The following DHX57 variants were observed in gnomAD, a reference collection of about 807,000 sequenced individuals.
DHX57 encodes putative ATP-dependent RNA helicase DHX57.
DHX57 carries 105 observed loss-of-function variants against 156.2 expected under a neutral mutation model. The ratio of observed to expected loss-of-function variants is 0.67; its 90% CI spans 0.57 to 0.79. DHX57 has a LOEUF of 0.79. Ranked by LOEUF, DHX57 falls within the 30% of genes least tolerant of loss-of-function variation. The probability of loss-of-function intolerance (pLI) is 0.00; values close to 1 mark genes in which losing one functional copy is unlikely to be tolerated. For missense variants in DHX57, 1,847 were observed against 1,661.9 expected, an observed-to-expected ratio of 1.11 and a Z score of -1.94; for synonymous variants, 704 against 595.6, an observed-to-expected ratio of 1.18 and a Z score of -2.65.
At chr2:38,829,218 C>T (rs1430070558) in intron 13 of DHX57, among the ~76,000 whole-genome samples, 1 of 151,814 alleles carries the variant, frequency 6.6e-6, no homozygotes, top group African/African-American at 2.4e-5. Flanking sequence ...GCTGGGATTA[C>T]AGGCATGAGC....
chr2:38,806,527 T>C, intron 22 of DHX57, 32 bp downstream of exon 22: 1 of 1,607,520 alleles, frequency 6.2e-7, no homozygotes, highest in Non-Finnish European at 8.5e-7. Flanking sequence ...CAGGACGACC[T>C]GTAAACATTA....
At chr2:38,808,273 T>G (rs10173240) in intron 21 of DHX57, among the ~76,000 whole-genome samples, 83,594 of 151,876 alleles carry the variant, frequency 0.55, 24,629 homozygotes, top group East Asian at 0.81. Flanking sequence ...ATTTTAATCT[T>G]CTCTTCCAAA....
Position 38,854,167 on chromosome 2 carries a change from G to A in DHX57, c.1917C>T (p.Thr639=). ...CTCCCGTGGTGCAGTATAACAGTCT[G>A]GTGGCTGAGGACTTACACATGAAAG... ...IRLESVKSSA[T]RLLYCTTGVL... is the part of the protein sequence containing the mutation. Residue 639 remains threonine (T), a synonymous_variant, in exon 9 of 24, where the codon ACC becomes ACT. Coordinates refer to ENST00000457308, the MANE Select transcript of DHX57 (RefSeq NM_198963.3). The A allele has an allele frequency of 6.2e-7, 1 of 1,613,572 alleles. No homozygotes were observed. Among genetic ancestry groups the A allele is most frequent in the Non-Finnish European group, 8.5e-7 (1 of 1,179,716 alleles).
At chr2:38,855,335 G>C (rs959822168) in intron 7 of DHX57, 83 bp from the exon 8 acceptor site, 11 of 1,379,200 alleles carry the variant, frequency 8.0e-6, no homozygotes, top group South Asian at 1.2e-5. Context: ...AATGAGAAAA[G>C]TGATAAAGCT....
rs140663412 is a variant in DHX57, at chr2:38,875,023, C to G, written c.-7+764G>C. On this transcript the variant is annotated intron_variant, in intron 1 of 23. Coordinates refer to ENST00000457308, the MANE Select transcript of DHX57 (RefSeq NM_198963.3). ...TTAGGAAAAAGCAAGAGGATACTTA[C>G]GCTGAATCAAAACAAGTTGTCTCAC... Among the ~76,000 whole-genome samples, 174 of 152,278 alleles carry G rather than the reference C, an allele frequency of 1.1e-3. 1 individual carries two copies. Among genetic ancestry groups the G allele is most frequent in the African/African-American group, 3.4e-3 (142 of 41,552 alleles).
At chr2:38,874,298 C>A (rs1381030698) in intron 1 of DHX57, among the ~76,000 whole-genome samples, 1 of 151,834 alleles carries the variant, frequency 6.6e-6, no homozygotes, top group Non-Finnish European at 1.5e-5. Context: ...GCTTTGCTGC[C>A]CAAGCTGGTC....
At chr2:38,838,276 T>G (rs1185446085) in intron 12 of DHX57, among the ~76,000 whole-genome samples, 1 of 152,258 alleles carries the variant, frequency 6.6e-6, no homozygotes, top group Non-Finnish European at 1.5e-5. Context: ...TTTAATTTTA[T>G]TTTTTGTAGA....
chr2:38,872,873 G>C (rs1019205197), intron 1 of DHX57, among the ~76,000 whole-genome samples: 1 of 152,032 alleles, frequency 6.6e-6, no homozygotes, highest in Non-Finnish European at 1.5e-5. Flanking sequence ...TAACCAACTA[G>C]ACCTAATAGG....
Position 38,815,616 on chromosome 2 carries a change from A to G in DHX57, c.3511T>C (p.Ser1171Pro), listed in dbSNP as rs759646144. 1.2e-6 allele frequency: 2 copies of G among 1,614,098 alleles called. No homozygotes were observed. Among genetic ancestry groups the G allele is most frequent in the Non-Finnish European group, 1.7e-6 (2 of 1,180,024 alleles). The change falls in exon 20 of 24, where the codon TCG becomes CCG. Residue 1171 changes from serine (S) to proline (P), a missense_variant. Physicochemically the swap from Ser to Pro is moderately conservative, Grantham distance 74 (BLOSUM62 -1). Coordinates refer to ENST00000457308, the MANE Select transcript of DHX57 (RefSeq NM_198963.3). ...CCTTCCCTTGCAAACCCTATATCCGATAACAGTTCCGTGAATTGTCGTTTG... is the reference window on the plus strand; with the variant it reads ...CCTTCCCTTGCAAACCCTATATCCGGTAACAGTTCCGTGAATTGTCGTTTG... ...SLKRQFTELL[S>P]DIGFAREGLR... is the part of the protein sequence containing the mutation.
rs760726809 is a variant in DHX57, at chr2:38,815,695, A to G, written c.3472-40T>C. 5 of 1,613,288 alleles carry G rather than the reference A, an allele frequency of 3.1e-6. No homozygotes were observed. In the African/African-American group the frequency reaches 4.0e-5, roughly 13 times the overall value. On this transcript the variant is annotated intron_variant, in intron 19 of 23. Transcript: ENST00000457308. ...AAAACCTTTAAGCAAGGGCATCAGCATAACAAAGTGTTAAGTCTTACAAAA... is the reference window on the plus strand; with the variant it reads ...AAAACCTTTAAGCAAGGGCATCAGCGTAACAAAGTGTTAAGTCTTACAAAA...
intron 7 of DHX57, among the ~76,000 whole-genome samples, chr2:38,856,136 A>C (rs945346003): frequency 2.0e-5 from 3 of 152,222 alleles, no homozygotes; most frequent in African/African-American, 7.2e-5. Context: ...TCTCAAGCTA[A>C]ATGTTCTAGA....
intron 1 of DHX57, among the ~76,000 whole-genome samples, chr2:38,868,751 CAT>C (rs1420455476): frequency 1.3e-5 from 2 of 152,168 alleles, no homozygotes; most frequent in Non-Finnish European, 2.9e-5. Context: ...TCAAAATACA[CAT>C]GTCTAGGCTT....
intron 13 of DHX57, among the ~76,000 whole-genome samples, chr2:38,833,689 TAA>T (rs1671500238): frequency 6.6e-6 from 1 of 152,194 alleles, no homozygotes; most frequent in Non-Finnish European, 1.5e-5. Flanking sequence ...TTAACTATAA[TAA>T]GTGTTCAGTT....
chr2:38,823,399 C>T, intron 16 of DHX57, 130 bp from the exon 17 acceptor site: 2 of 944,306 alleles, frequency 2.1e-6, no homozygotes, highest in Non-Finnish European at 3.1e-6. Flanking sequence ...ATGTTTTCTA[C>T]TTCTACCAAT....
At chr2:38,812,713 A>G (rs1267595432) in intron 21 of DHX57, among the ~76,000 whole-genome samples, 3 of 148,586 alleles carry the variant, frequency 2.0e-5, no homozygotes, top group Non-Finnish European at 4.5e-5. Flanking sequence ...TTGTATTTTT[A>G]GTAGAGATGG....
intron 2 of DHX57, among the ~76,000 whole-genome samples, chr2:38,864,732 C>T (rs945684525): frequency 7.9e-5 from 12 of 152,196 alleles, no homozygotes; most frequent in African/African-American, 2.9e-4. Context: ...CCTGTAGCTA[C>T]TGACCCATCT....
chr2:38,872,548 T>C (rs1423881587), intron 1 of DHX57, among the ~76,000 whole-genome samples: 1 of 152,178 alleles, frequency 6.6e-6, no homozygotes, highest in East Asian at 1.9e-4. Context: ...AAGATGATCT[T>C]GCAAACAGCA....
chr2:38,800,935 T>C (rs1669651702), intron 23 of DHX57, among the ~76,000 whole-genome samples: 1 of 152,206 alleles, frequency 6.6e-6, no homozygotes, highest in Non-Finnish European at 1.5e-5. Flanking sequence ...AGACTTAATA[T>C]GAAAAGGTAA....
chr2:38,870,282 G>C (rs62142711), intron 1 of DHX57, among the ~76,000 whole-genome samples: 7,300 of 152,010 alleles, frequency 0.048, 286 homozygotes, highest in Non-Finnish European at 0.073. Flanking sequence ...AGAAAGAAAA[G>C]AGCAGAAAAA....
Sources: allele counts gnomAD v4.1 joint callset (sites outside exome capture counted in the v4.1 genomes callset), GRCh38; gene constraint gnomAD v4.1.1; transcripts MANE v1.5; gene names NCBI Gene and HGNC (gene_info 2026-07-23, HGNC 2026-07-21).